Variants in MACROD2 observed in about 807,000 individuals in gnomAD.
The protein encoded by MACROD2 is mono-ADP ribosylhydrolase 2.
MACROD2 carries 36 observed loss-of-function variants against 70.4 expected under a neutral mutation model. The ratio of observed to expected loss-of-function variants is 0.51; its 90% CI spans 0.39 to 0.68. The LOEUF (loss-of-function observed/expected upper bound fraction) is 0.68. Ranked by LOEUF, MACROD2 falls within the 30% of genes least tolerant of loss-of-function variation. The probability of loss-of-function intolerance (pLI) is 0.00; values close to 1 mark genes in which losing one functional copy is unlikely to be tolerated. For synonymous variants in MACROD2, 172 were observed against 178.8 expected, an observed-to-expected ratio of 0.96 and a Z score of 0.30; for missense variants, 496 against 538.4, an observed-to-expected ratio of 0.92 and a Z score of 0.78.
intron 5 of MACROD2, among the ~76,000 whole-genome samples, chr20:15,177,624 TG>T (rs1555789907): frequency 6.6e-6 from 1 of 152,206 alleles, no homozygotes; most frequent in Non-Finnish European, 1.5e-5. Flanking sequence ...CCTCATTCTA[TG>T]TTGAGGGTTT....
intron 3 of MACROD2, among the ~76,000 whole-genome samples, chr20:14,126,752 A>G (rs1419471621): frequency 6.6e-6 from 1 of 152,094 alleles, no homozygotes; most frequent in Non-Finnish European, 1.5e-5. Flanking sequence ...ACCTGTGACA[A>G]TTGGTCTTTG....
chr20:15,039,410 AGG>A, intron 5 of MACROD2, among the ~76,000 whole-genome samples: 1 of 152,174 alleles, frequency 6.6e-6, no homozygotes, highest in Non-Finnish European at 1.5e-5. Flanking sequence ...TTTGGGGAAG[AGG>A]AGTTGTAGTT....
chr20:15,722,791 A>T (rs2050805283), intron 8 of MACROD2, among the ~76,000 whole-genome samples: 1 of 152,168 alleles, frequency 6.6e-6, no homozygotes, highest in Admixed American at 6.6e-5. Context: ...CTATTTCAAG[A>T]GAATTTCATA....
At chr20:15,215,252 T>TTGTGTG (rs376439581) in intron 5 of MACROD2, among the ~76,000 whole-genome samples, 3,568 of 135,514 alleles carry the variant, frequency 0.026, 64 homozygotes, top group Middle Eastern at 0.049. Context: ...CTCCTGTATT[T>TTGTGTG]TGTGTGTGTG....
chr20:15,602,791 A>G (rs1463491423), intron 8 of MACROD2, among the ~76,000 whole-genome samples: 1 of 152,182 alleles, frequency 6.6e-6, no homozygotes, highest in Non-Finnish European at 1.5e-5. Context: ...TATGCATAAG[A>G]TATTTCCTTC....
At chr20:15,091,547 G>A (rs1380999646) in intron 5 of MACROD2, among the ~76,000 whole-genome samples, 1 of 151,980 alleles carries the variant, frequency 6.6e-6, no homozygotes, top group African/African-American at 2.4e-5. Flanking sequence ...TTTAAAGTAA[G>A]CTTCTGCAAA....
At chr20:15,464,016 G>C (rs1278113058) in intron 7 of MACROD2, among the ~76,000 whole-genome samples, 1 of 152,082 alleles carries the variant, frequency 6.6e-6, no homozygotes, top group African/African-American at 2.4e-5. Context: ...ACTCACTCAT[G>C]TTGCAGCCAT....
At chr20:14,339,942 T>C (rs2082996547) in intron 3 of MACROD2, among the ~76,000 whole-genome samples, 1 of 152,200 alleles carries the variant, frequency 6.6e-6, no homozygotes, top group Admixed American at 6.5e-5. Flanking sequence ...CACTTCCCGC[T>C]CTTATCAGCT....
intron 5 of MACROD2, among the ~76,000 whole-genome samples, chr20:14,988,209 C>T (rs894363188): frequency 2.6e-5 from 4 of 151,860 alleles, no homozygotes; most frequent in African/African-American, 9.7e-5. Flanking sequence ...ACAAAAAATA[C>T]AAAAACTAGC....
intron 3 of MACROD2, among the ~76,000 whole-genome samples, chr20:14,271,427 G>C (rs1483537470): frequency 6.6e-6 from 1 of 152,228 alleles, no homozygotes; most frequent in Non-Finnish European, 1.5e-5. Context: ...ACCTGCAGCT[G>C]AGGGTCCTGT....
At chr20:15,769,668 A>C (rs1313521367) in intron 8 of MACROD2, among the ~76,000 whole-genome samples, 2 of 152,202 alleles carry the variant, frequency 1.3e-5, no homozygotes, top group Non-Finnish European at 2.9e-5. Flanking sequence ...TCTTATAGGA[A>C]TAACACTGAA....
intron 5 of MACROD2, among the ~76,000 whole-genome samples, chr20:14,955,112 A>C (rs1429533639): frequency 8.0e-6 from 1 of 124,888 alleles, no homozygotes; most frequent in Non-Finnish European, 1.6e-5. Context: ...AATTTATATT[A>C]TATATAACTT....
At chr20:14,299,763 G>A (rs898876878) in intron 3 of MACROD2, among the ~76,000 whole-genome samples, 7 of 152,124 alleles carry the variant, frequency 4.6e-5, no homozygotes. Context: ...GTGTAGAAGG[G>A]ATAAGATTAC....
chr20:14,343,239 TAAA>T (rs5840609), intron 3 of MACROD2, among the ~76,000 whole-genome samples: 2 of 146,032 alleles, frequency 1.4e-5, no homozygotes, highest in African/African-American at 2.5e-5. Flanking sequence ...TTTAAAATGT[TAAA>T]AAAAAAAAAG....
intron 2 of MACROD2, among the ~76,000 whole-genome samples, chr20:14,062,142 CTAT>C (rs1306939742): frequency 2.6e-5 from 4 of 152,106 alleles, no homozygotes; most frequent in African/African-American, 4.8e-5. Flanking sequence ...ATAAGCCTTT[CTAT>C]TATTGTTCAC....
At chr20:15,856,355 A>T (rs1322225374) in intron 8 of MACROD2, among the ~76,000 whole-genome samples, 3 of 152,222 alleles carry the variant, frequency 2.0e-5, no homozygotes, top group African/African-American at 7.2e-5. Flanking sequence ...ATTGGATAAG[A>T]TGTCAGTTGG....
chr20:14,037,510 T>C (rs1481147219), intron 2 of MACROD2, among the ~76,000 whole-genome samples: 1 of 152,220 alleles, frequency 6.6e-6, no homozygotes. Flanking sequence ...TATTTGGTAA[T>C]CTTAGTAAGG....
At chr20:15,102,635 T>A (rs949034251) in intron 5 of MACROD2, among the ~76,000 whole-genome samples, 7 of 152,112 alleles carry the variant, frequency 4.6e-5, no homozygotes, top group African/African-American at 1.7e-4. Flanking sequence ...TGTATGTGTA[T>A]GTGTGTGCAT....
At chr20:14,009,498 A>G (rs935671092) in intron 2 of MACROD2, among the ~76,000 whole-genome samples, 8 of 152,188 alleles carry the variant, frequency 5.3e-5, no homozygotes, top group African/African-American at 1.9e-4. Flanking sequence ...ATAGAGGAAC[A>G]CTGATACACT....
Sources: allele counts gnomAD v4.1 joint callset (sites outside exome capture counted in the v4.1 genomes callset), GRCh38; gene constraint gnomAD v4.1.1; transcripts MANE v1.5; gene names NCBI Gene and HGNC (gene_info 2026-07-23, HGNC 2026-07-21).